Variants in DYNC1I1 observed in about 807,000 individuals in gnomAD.
DYNC1I1 encodes the protein cytoplasmic dynein 1 intermediate chain 1.
DYNC1I1 carries 43 observed loss-of-function variants against 86.6 expected under a neutral mutation model. The ratio of observed to expected loss-of-function variants is 0.50; its 90% confidence interval spans 0.39 to 0.64. The LOEUF (loss-of-function observed/expected upper bound fraction) is 0.64, where lower values mean the gene tolerates loss of function less well. Ranked by LOEUF, DYNC1I1 falls within the 30% of genes least tolerant of loss-of-function variation. The probability of loss-of-function intolerance (pLI) is 0.00; values close to 1 mark genes in which losing one functional copy is unlikely to be tolerated. For missense variants in DYNC1I1, 604 were observed against 788.8 expected (o/e 0.77, Z 2.81); for synonymous variants, 262 against 283.7 (o/e 0.92, Z 0.77).
intron 2 of DYNC1I1, among the ~76,000 whole-genome samples, chr7:95,808,903 A>G (rs1410357858): frequency 6.6e-6 from 1 of 152,158 alleles, no homozygotes; most frequent in Admixed American, 6.6e-5. Context: ...ACTCTGCAAC[A>G]TCTTTTTTCT....
At chr7:96,108,316 G>A (rs1336567462) in intron 16 of DYNC1I1, among the ~76,000 whole-genome samples, 1 of 152,068 alleles carries the variant, frequency 6.6e-6, no homozygotes, top group African/African-American at 2.4e-5. Flanking sequence ...ATAACGTTGA[G>A]CTCAAATTGC....
intron 2 of DYNC1I1, among the ~76,000 whole-genome samples, chr7:95,809,539 T>A (rs1484394114): frequency 6.6e-6 from 1 of 152,164 alleles, no homozygotes; most frequent in Non-Finnish European, 1.5e-5. Flanking sequence ...AAGTAATAAC[T>A]GTATTATGAA....
intron 1 of DYNC1I1, among the ~76,000 whole-genome samples, chr7:95,782,494 C>T (rs1343583443): frequency 6.6e-6 from 1 of 152,194 alleles, no homozygotes; most frequent in Non-Finnish European, 1.5e-5. Context: ...CATGCTCAAA[C>T]CCTGTATGGG....
At chr7:95,965,970 G>A (rs2888983) in intron 6 of DYNC1I1, among the ~76,000 whole-genome samples, 114,793 of 152,056 alleles carry the variant, frequency 0.75, 43,472 homozygotes, top group East Asian at 0.87. Flanking sequence ...TCTTTTTCAT[G>A]TTCCATGTGG....
intron 10 of DYNC1I1, among the ~76,000 whole-genome samples, chr7:96,005,558 T>G (rs540405501): frequency 6.6e-6 from 1 of 152,272 alleles, no homozygotes; most frequent in Admixed American, 6.5e-5. Context: ...GTCCCCTTCC[T>G]TATGTCTAAA....
chr7:96,028,100 T>G, intron 10 of DYNC1I1, 75 bp from the exon 11 acceptor site: 1 of 1,554,116 alleles, frequency 6.4e-7, no homozygotes, highest in Non-Finnish European at 8.8e-7. Flanking sequence ...TGTGATGAAC[T>G]GTTTTCAGGA....
intron 6 of DYNC1I1, among the ~76,000 whole-genome samples, chr7:95,903,867 T>C (rs1467079054): frequency 6.6e-6 from 1 of 152,118 alleles, no homozygotes; most frequent in Non-Finnish European, 1.5e-5. Flanking sequence ...ATGTGCATCA[T>C]TGGTAGGGTG....
intron 16 of DYNC1I1, among the ~76,000 whole-genome samples, chr7:96,088,037 T>C (rs1355354535): frequency 2.0e-5 from 3 of 152,200 alleles, no homozygotes; most frequent in Admixed American, 6.5e-5. Context: ...CAATTAATGT[T>C]GTAAGTATTC....
intron 4 of DYNC1I1, among the ~76,000 whole-genome samples, chr7:95,824,959 G>T (rs970589011): frequency 6.6e-6 from 1 of 152,194 alleles, no homozygotes; most frequent in African/African-American, 2.4e-5. Context: ...TTGCATATTT[G>T]CATATTCCTT....
chr7:95,952,034 C>T lies in DYNC1I1; in HGVS notation c.491-25478C>T, dbSNP rs562681365. ...CCTTTTTATTTAATAAGGCTCTGAT[C>T]GCCTGATTGATTCTGAAGTGCTTGC... is the stretch of plus-strand genomic sequence containing the variant. On this transcript the variant is annotated intron_variant, in intron 6 of 16. Transcript: ENST00000447467. Among the ~76,000 whole-genome samples the T allele has an allele frequency of 4.6e-5, 7 of 150,734 alleles. No individual in the cohort carries two copies. The South Asian group carries it at 1.3e-3, about 27-fold the overall frequency.
At chr7:95,970,220 G>A (rs992763569) in intron 6 of DYNC1I1, among the ~76,000 whole-genome samples, 4 of 152,108 alleles carry the variant, frequency 2.6e-5, no homozygotes, top group East Asian at 1.9e-4. Flanking sequence ...CATCACACCC[G>A]CTGGCAACTG....
intron 5 of DYNC1I1, among the ~76,000 whole-genome samples, chr7:95,852,255 A>C (rs766280008): frequency 2.5e-4 from 38 of 151,864 alleles, no homozygotes; most frequent in Non-Finnish European, 5.3e-4. Context: ...GATGTCAAGG[A>C]ATTTATCCAT....
chr7:95,801,053 C>A (rs1299466754), intron 1 of DYNC1I1, among the ~76,000 whole-genome samples: 1 of 152,220 alleles, frequency 6.6e-6, no homozygotes, highest in Non-Finnish European at 1.5e-5. Flanking sequence ...TGTATACTTT[C>A]CAAACCCTTT....
At chr7:96,063,969 G>A (rs919458936) in intron 14 of DYNC1I1, among the ~76,000 whole-genome samples, 1 of 152,164 alleles carries the variant, frequency 6.6e-6, no homozygotes, top group African/African-American at 2.4e-5. Context: ...GGATGTCGAG[G>A]GAAAGCAGCG....
chr7:95,993,967 C>T (rs957128265), intron 9 of DYNC1I1, among the ~76,000 whole-genome samples: 1 of 152,086 alleles, frequency 6.6e-6, no homozygotes. Context: ...GAAATGTGTC[C>T]TAACTCATAA....
chr7:95,999,740 C>G (rs2115781344), intron 10 of DYNC1I1, among the ~76,000 whole-genome samples: 1 of 152,276 alleles, frequency 6.6e-6, no homozygotes, highest in East Asian at 1.9e-4. Flanking sequence ...TCCTAGCTGA[C>G]TGCACTGCTG....
At chr7:95,937,643 G>A (rs193274326) in intron 6 of DYNC1I1, among the ~76,000 whole-genome samples, 17 of 152,030 alleles carry the variant, frequency 1.1e-4, no homozygotes, top group Admixed American at 9.2e-4. Flanking sequence ...GTAGGAGAAT[G>A]TGCTTGAGTT....
At chr7:95,839,262 C>A (rs943907633) in intron 5 of DYNC1I1, among the ~76,000 whole-genome samples, 1 of 152,126 alleles carries the variant, frequency 6.6e-6, no homozygotes, top group Non-Finnish European at 1.5e-5. Flanking sequence ...AACTCCTGAC[C>A]TCGGGTGATC....
At chr7:95,976,867 A>C (rs1387793239) in intron 6 of DYNC1I1, among the ~76,000 whole-genome samples, 1 of 152,208 alleles carries the variant, frequency 6.6e-6, no homozygotes, top group East Asian at 1.9e-4. Context: ...CAGGAAGGGC[A>C]CTGTAACATC....
Sources: allele counts gnomAD v4.1 joint callset (sites outside exome capture counted in the v4.1 genomes callset), GRCh38; gene constraint gnomAD v4.1.1; transcripts MANE v1.5; gene names NCBI Gene and HGNC (gene_info 2026-07-23, HGNC 2026-07-21).